GNPTG: variants seen among roughly 807,000 people sequenced by gnomAD.
GNPTG encodes N-acetylglucosamine-1-phosphate transferase subunit gamma.
In GNPTG, 46 loss-of-function variants were observed where a neutral mutation model predicts 43.8. The observed-to-expected ratio is 1.05, with a 90% confidence interval of 0.83 to 1.34. The LOEUF is 1.34. GNPTG is among the 40% of genes most tolerant of loss of function. The probability of loss-of-function intolerance (pLI) is 0.00; values close to 1 mark genes in which losing one functional copy is unlikely to be tolerated. For synonymous variants in GNPTG, 250 were observed against 172.8 expected, an observed-to-expected ratio of 1.45 and a Z score of -3.50; for missense variants, 549 against 411.3, an observed-to-expected ratio of 1.33 and a Z score of -2.90.
rs1335448671 is a variant in GNPTG at position 1,361,784 on chromosome 16, C to T, written c.220C>T (p.Leu74=). ...CCGACTCTCGGGCAAGTGCTTCAGCCTGGTGGAGTCCACGTGAGTGCAGGG... is the reference window on the plus strand; with the variant it reads ...CCGACTCTCGGGCAAGTGCTTCAGCTTGGTGGAGTCCACGTGAGTGCAGGG... ...LFRLSGKCFS[L]VESTYKYEFC... is the part of the protein sequence containing the mutation. Residue 74 remains leucine (L), a synonymous_variant, in exon 4 of 11, where the codon CTG becomes TTG. Transcript: ENST00000204679. 20 of 1,613,018 alleles carry T rather than the reference C, an allele frequency of 1.2e-5. No individual in the cohort carries two copies. The highest frequency in any genetic ancestry group is 1.7e-5 in the Non-Finnish European group (20 of 1,179,474).
At position 1,361,971 on chromosome 16, in the gene GNPTG, G is replaced by C. The variant is rs781472406; in HGVS notation, c.317+16G>C. 4 of 1,613,230 alleles carry C rather than the reference G, an allele frequency of 2.5e-6. No individual in the cohort carries two copies. The Admixed American group carries it at 5.0e-5, about 20-fold the overall frequency. ...GGATCCTCGGGTGAGTGGGGCCGGG[G>C]CAGGGATCCCAAAGCAGCAGCGCAG... On this transcript the variant is annotated intron_variant, in intron 5 of 10. Coordinates refer to ENST00000204679, the MANE Select transcript of GNPTG (RefSeq NM_032520.5).
chr16:1,354,634 C>T (rs181183718), intron 3 of GNPTG, among the ~76,000 whole-genome samples: 1 of 135,352 alleles, frequency 7.4e-6, no homozygotes, highest in Non-Finnish European at 1.6e-5. Context: ...GAAAAGAATA[C>T]CTCTTCTAGT....
At position 1,363,576 on chromosome 16, in the gene GNPTG, C is replaced by CAG. The variant is rs1389411972; in HGVS notation, c.*485_*486insAG. 4.5e-6 allele frequency: 1 copy of CAG among 222,554 alleles called. No individual in the cohort carries two copies. The highest frequency in any genetic ancestry group is 2.3e-5 in the African/African-American group (1 of 42,820). The allele number at this position is 222,554 out of a possible 1,614,324, so 13.8% of individuals were successfully genotyped here. ...ATGCAGAGCCGGCCGCCAGCCAGCTCCTACGCCCCGTGCCCGCCATGGCCA... is the reference window on the plus strand; with the variant it reads ...ATGCAGAGCCGGCCGCCAGCCAGCTCAGCTACGCCCCGTGCCCGCCATGGCCA... On this transcript the variant is annotated 3_prime_UTR_variant, in exon 11 of 11. Transcript: ENST00000204679.
Position 1,363,945 on chromosome 16 carries a change from A to G in GNPTG, c.*854A>G, listed in dbSNP as rs994974354. ...GGAGACACCCTGAGGGGCGGGCGCC[A>G]CCTCCTTCCCAGAAAGAGCAGAGCA... On this transcript the variant is annotated 3_prime_UTR_variant, in exon 11 of 11. Coordinates refer to ENST00000204679, the MANE Select transcript of GNPTG (RefSeq NM_032520.5). 2 of 152,122 alleles carry G rather than the reference A, an allele frequency of 1.3e-5. No homozygotes were observed. Among genetic ancestry groups the G allele is most frequent in the Non-Finnish European group, 2.9e-5 (2 of 68,012 alleles). The allele number at this position is 152,122 out of a possible 1,614,324, so 9.4% of individuals were successfully genotyped here.
chr16:1,361,699 G>A, intron 3 of GNPTG, 44 bp from the exon 4 acceptor site: 2 of 1,607,484 alleles, frequency 1.2e-6, no homozygotes, highest in Non-Finnish European at 1.7e-6. Context: ...TTGCAGACAG[G>A]TTCTGTGCTT....
Position 1,352,095 on chromosome 16 carries a change from C to G in GNPTG, c.53-7C>G, listed in dbSNP as rs1435125822. 5 of 1,565,236 alleles carry G rather than the reference C, an allele frequency of 3.2e-6. No homozygotes were observed. Among genetic ancestry groups the G allele is most frequent in the South Asian group, 1.2e-5 (1 of 85,280 alleles). ...GGCCTCCCCGCTCACGGTCTCGCTCCCCGTAGGGCCCGCGCCGGCAGGTGC... is the reference window on the plus strand; with the variant it reads ...GGCCTCCCCGCTCACGGTCTCGCTCGCCGTAGGGCCCGCGCCGGCAGGTGC... On this transcript the variant is annotated splice_region_variant and splice_polypyrimidine_tract_variant and intron_variant, in intron 1 of 10. Coordinates refer to ENST00000204679, the MANE Select transcript of GNPTG (RefSeq NM_032520.5).
chr16:1,356,259 C>CA (rs1013596949), intron 3 of GNPTG, among the ~76,000 whole-genome samples: 1 of 152,148 alleles, frequency 6.6e-6, no homozygotes, highest in African/African-American at 2.4e-5. Context: ...CCGCGGGAGC[C>CA]AAGGGCACCG....
intron 10 of GNPTG, 34 bp downstream of exon 10, chr16:1,362,940 C>A (rs1401110978): frequency 6.2e-7 from 1 of 1,613,678 alleles, no homozygotes; most frequent in African/African-American, 1.3e-5. Flanking sequence ...CCAGGCTCAC[C>A]ATCACACTCG....
intron 3 of GNPTG, 112 bp from the exon 4 acceptor site, chr16:1,361,631 G>C: frequency 9.3e-7 from 1 of 1,080,864 alleles, no homozygotes; most frequent in Non-Finnish European, 1.4e-6. Flanking sequence ...GTGACAGAGT[G>C]AGACTCCATC....
intron 3 of GNPTG, among the ~76,000 whole-genome samples, chr16:1,359,329 C>T (rs560786456): frequency 2.9e-4 from 44 of 152,108 alleles, no homozygotes; most frequent in African/African-American, 9.9e-4. Flanking sequence ...TGCAGTAGCA[C>T]GATCTTGGCT....
At position 1,363,338 on chromosome 16, in the gene GNPTG, G is replaced by A. The variant is rs2034983787; in HGVS notation, c.*247G>A. On this transcript the variant is annotated 3_prime_UTR_variant, in exon 11 of 11. Coordinates refer to ENST00000204679, the MANE Select transcript of GNPTG (RefSeq NM_032520.5). ...TTTAAACAGTTCGCTACAAGTAAAT[G>A]ATTATAAATACTACCTTCTGGGTTA... 2 of 506,724 alleles carry A rather than the reference G, an allele frequency of 3.9e-6. No homozygotes were observed. Among genetic ancestry groups the A allele is most frequent in the Non-Finnish European group, 7.2e-6 (2 of 279,376 alleles). 31.4% of individuals were successfully genotyped at this position (506,724 alleles called of 1,614,324 possible). A position where few individuals can be genotyped will look rare whatever the true frequency, so the allele number is the denominator to read the frequency against.
intron 3 of GNPTG, among the ~76,000 whole-genome samples, chr16:1,354,931 T>C (rs2034748877): frequency 6.6e-6 from 1 of 151,652 alleles, no homozygotes; most frequent in South Asian, 2.1e-4. Flanking sequence ...GTCTCCCACG[T>C]CTGTGGGGTG....
In GNPTG at chr16:1,362,628, G is replaced by A. The variant is rs780930809; in HGVS notation, c.627G>A (p.Leu209=). 1.9e-5 allele frequency: 30 copies of A among 1,614,092 alleles called. No individual in the cohort carries two copies. Among genetic ancestry groups the A allele is most frequent in the Non-Finnish European group, 2.5e-5 (30 of 1,180,046 alleles). ...LITPQGHEKL[L]RTLFEDAGYL... ...ACCTTCAGGGCCATGAGAAGTTGCT[G>A]AGGACACTTTTTGAGGATGCTGGCT... Residue 209 remains leucine (L), a synonymous_variant, in exon 9 of 11, where the codon CTG becomes CTA. Coordinates refer to ENST00000204679, the MANE Select transcript of GNPTG (RefSeq NM_032520.5).
At chr16:1,361,315 T>C (rs1335276158) in intron 3 of GNPTG, 3 of 231,480 alleles carry the variant, frequency 1.3e-5, no homozygotes, top group Admixed American at 5.2e-5. Context: ...GGTACCTGTT[T>C]TCCTGTTTCT....
Position 1,361,726 on chromosome 16 carries a change from T to G in GNPTG, c.179-17T>G. On this transcript the variant is annotated splice_polypyrimidine_tract_variant and intron_variant, in intron 3 of 10. Coordinates refer to ENST00000204679, the MANE Select transcript of GNPTG (RefSeq NM_032520.5). ...TCTGTGCTTGGACCCTGGGGATCAG[T>G]GTGAGGTCTCTTCCAGGACCCGTGC... 1.2e-6 allele frequency: 2 copies of G among 1,613,832 alleles called. No individual in the cohort carries two copies. Among genetic ancestry groups the G allele is most frequent in the South Asian group, 2.2e-5 (2 of 91,072 alleles).
At chr16:1,356,435 C>G (rs536777221) in intron 3 of GNPTG, among the ~76,000 whole-genome samples, 1 of 152,128 alleles carries the variant, frequency 6.6e-6, no homozygotes, top group Admixed American at 6.5e-5. Flanking sequence ...GCCCAAGAGG[C>G]GTGGAGGGGC....
rs1383134639 is a variant in GNPTG, at chr16:1,362,854, AAGGCT to A, written c.772_776del (p.Arg258GlufsTer39). The A allele has an allele frequency of 6.2e-7, 1 of 1,614,056 alleles. No homozygotes were observed. The highest frequency in any genetic ancestry group is 8.5e-7 in the Non-Finnish European group (1 of 1,180,018). On this transcript the variant is annotated frameshift_variant, in exon 10 of 11. Transcript: ENST00000204679. LOFTEE classifies it high-confidence loss of function. ...ATAAAGAACTCTCAAAGGAGATCAA[AAGGCT>A]GAAAGGTTTGCTCACCCAGCACGGC... is the stretch of plus-strand genomic sequence containing the variant.
intron 3 of GNPTG, among the ~76,000 whole-genome samples, chr16:1,357,351 G>C (rs565963183): frequency 6.6e-6 from 1 of 152,352 alleles, no homozygotes; most frequent in South Asian, 2.1e-4. Context: ...GCACCCCAGA[G>C]GTCTCAGTGG....
chr16:1,357,457 A>C (rs2034797885), intron 3 of GNPTG, among the ~76,000 whole-genome samples: 1 of 151,976 alleles, frequency 6.6e-6, no homozygotes, highest in Admixed American at 6.5e-5. Flanking sequence ...GGGAACAGTC[A>C]CCCAGCACCT....
Sources: allele counts gnomAD v4.1 joint callset (sites outside exome capture counted in the v4.1 genomes callset), GRCh38; gene constraint gnomAD v4.1.1; transcripts MANE v1.5; gene names NCBI Gene and HGNC (gene_info 2026-07-23, HGNC 2026-07-21).